PYGL: variants seen among roughly 807,000 people sequenced by gnomAD.
PYGL encodes the protein glycogen phosphorylase L.
Under a neutral mutation model 100.1 loss-of-function variants are expected in PYGL, and 90 were observed. The ratio of observed to expected loss-of-function variants is 0.90; its 90% CI spans 0.76 to 1.07. PYGL has a LOEUF of 1.07. PYGL is among the 50% of genes least tolerant of loss of function. PYGL has a pLI of 0.00. For missense variants in PYGL, 1,016 were observed against 1,057.6 expected, an observed-to-expected ratio of 0.96 and a Z score of 0.55; for synonymous variants, 373 against 393.0, an observed-to-expected ratio of 0.95 and a Z score of 0.60.
intron 5 of PYGL, among the ~76,000 whole-genome samples, chr14:50,922,185 T>G (rs902943635): frequency 6.6e-6 from 1 of 152,222 alleles, no homozygotes; most frequent in Non-Finnish European, 1.5e-5. Context: ...CTGGATCTCA[T>G]TTAGTGCAAC....
Position 50,914,496 on chromosome 14 carries a change from C to CAATAATAATAATAAT in PYGL, c.1518+190_1518+204dup, listed in dbSNP as rs58316457. On this transcript the variant is annotated intron_variant, in intron 12 of 19. Transcript: ENST00000216392. ...TGGGTGATAGAGTGAAACTCTGTCT[C>CAATAATAATAATAAT]AATAATAATAATAATAATAATAATA... Among the ~76,000 whole-genome samples, 400 of 148,532 alleles carry CAATAATAATAATAAT rather than the reference C, an allele frequency of 2.7e-3. 4 individuals carry two copies. The highest frequency in any genetic ancestry group is 7.5e-3 in the African/African-American group (300 of 40,066).
Position 50,908,282 on chromosome 14 carries a change from G to T in PYGL, c.2368C>A (p.Gln790Lys). ...GGCAATTTACTCACCATGTACAGCT[G>T]ACTCACTTTATCTTGACACTTGACA... ...AYVKCQDKVSQLYMNPKAWNT... is the reference protein window; with the variant it reads ...AYVKCQDKVSKLYMNPKAWNT... Residue 790 changes from glutamine (Q) to lysine (K), a missense_variant, in exon 19 of 20, where the codon CAG becomes AAG. By Grantham distance (53) the Gln-to-Lys change is moderately conservative. Coordinates refer to ENST00000216392, the MANE Select transcript of PYGL (RefSeq NM_002863.5). The T allele has an allele frequency of 6.3e-7, 1 of 1,593,710 alleles. No homozygotes were observed. Among genetic ancestry groups the T allele is most frequent in the Non-Finnish European group, 8.6e-7 (1 of 1,161,574 alleles).
chr14:50,908,820 C>A lies in PYGL; in HGVS notation c.2312+1G>T. On this transcript the variant is annotated splice_donor_variant, in intron 18 of 19. Coordinates refer to ENST00000216392, the MANE Select transcript of PYGL (RefSeq NM_002863.5). LOFTEE classifies it high-confidence loss of function. ...AGCACCATCTTCTTATGGGAACTCA[C>A]CTGTCATGATAAAATAGCATGTTGA... 6.4e-7 allele frequency: 1 copy of A among 1,563,508 alleles called. No homozygotes were observed. Among genetic ancestry groups the A allele is most frequent in the Non-Finnish European group, 8.8e-7 (1 of 1,134,034 alleles).
In PYGL at chr14:50,924,065, G is replaced by A; in HGVS notation, c.564C>T (p.Asn188=). The A allele has an allele frequency of 6.2e-7, 1 of 1,613,782 alleles. No homozygotes were observed. Among genetic ancestry groups the A allele is most frequent in the Middle Eastern group, 1.7e-4 (1 of 6,060 alleles). Residue 188 remains asparagine, a synonymous_variant, in exon 5 of 20, where the codon AAC becomes AAT. Coordinates refer to ENST00000216392, the MANE Select transcript of PYGL (RefSeq NM_002863.5). ...ATTCTGGGCGGGACTTCTCCCAAGG[G>A]TTTCCATATCTGAGCCAATCATCTG... ...EEADDWLRYG[N]PWEKSRPEFM...
intron 5 of PYGL, chr14:50,923,746 G>A: frequency 1.2e-5 from 3 of 251,222 alleles, no homozygotes; most frequent in South Asian, 6.9e-5. Context: ...GTTGCAAAAT[G>A]ACCCTTATAA....
chr14:50,907,352 A>AGAATAGG (rs1234856795), intron 19 of PYGL, among the ~76,000 whole-genome samples: 2 of 152,128 alleles, frequency 1.3e-5, no homozygotes, highest in Non-Finnish European at 1.5e-5. Context: ...CAATTTTCAG[A>AGAATAGG]GAATAGGGGT....
intron 1 of PYGL, 48 bp downstream of exon 1, chr14:50,944,113 A>T: frequency 6.4e-7 from 1 of 1,558,210 alleles, no homozygotes; most frequent in Non-Finnish European, 8.6e-7. Context: ...GCGGCCGGAG[A>T]CTCCGACTCC....
At chr14:50,905,668 A>G in intron 19 of PYGL, 112 bp from the exon 20 acceptor site, 2 of 997,940 alleles carry the variant, frequency 2.0e-6, no homozygotes, top group Non-Finnish European at 3.1e-6. Flanking sequence ...TGACAGGAAT[A>G]AATTATAGTA....
Position 50,912,977 on chromosome 14 carries a change from A to C in PYGL, c.1620+52T>G. The stretch of plus-strand genomic sequence containing the variant: ...TCAAAAAATAAACAAAAACTACAGG[A>C]TAAACTCTCACAGTGAGTGCCCAGG... On this transcript the variant is annotated intron_variant, in intron 13 of 19. Coordinates refer to ENST00000216392, the MANE Select transcript of PYGL (RefSeq NM_002863.5). The C allele has an allele frequency of 2.0e-6, 3 of 1,533,090 alleles. No homozygotes were observed. The South Asian group carries it at 3.4e-5, about 17-fold the overall frequency. 95.0% of individuals were successfully genotyped at this position (1,533,090 alleles called of 1,614,324 possible).
Position 50,917,038 on chromosome 14 carries a change from A to T in PYGL, c.923T>A (p.Ile308Asn). 1.2e-6 allele frequency: 2 copies of T among 1,613,994 alleles called. No individual in the cohort carries two copies. Among genetic ancestry groups the T allele is most frequent in the Non-Finnish European group, 1.7e-6 (2 of 1,179,854 alleles). Residue 308 changes from isoleucine (I) to asparagine (N), a missense_variant, in exon 8 of 20, where the codon ATC becomes AAC. Transcript: ENST00000216392. Reference sequence around the variant, plus strand: ...CTTGGAGGCTTTGAAACGGCGGATGATATCTTGCAAGGTTGCAGCCACCAC... The same window carrying T: ...CTTGGAGGCTTTGAAACGGCGGATGTTATCTTGCAAGGTTGCAGCCACCAC... ...YFVVAATLQD[I>N]IRRFKASKFG...
intron 4 of PYGL, among the ~76,000 whole-genome samples, chr14:50,925,880 C>T (rs898473844): frequency 2.0e-5 from 3 of 152,082 alleles, no homozygotes; most frequent in South Asian, 2.1e-4. Context: ...GATCTGAGCT[C>T]GTCAGAAAGT....
chr14:50,940,003 A>G lies in PYGL; in HGVS notation c.244-2166T>C, dbSNP rs181881614. Among the ~76,000 whole-genome samples, 1,113 of 152,342 alleles carry G rather than the reference A, an allele frequency of 7.3e-3. 8 individuals carry two copies. The highest frequency in any genetic ancestry group is 0.011 in the Non-Finnish European group (731 of 68,026). On this transcript the variant is annotated intron_variant, in intron 1 of 19. Transcript: ENST00000216392. Reference sequence around the variant, plus strand: ...AACGGGCCACCTAACACTGCTTTCCAGAACACATCATCTTCGTTTTCATCC... The same window carrying G: ...AACGGGCCACCTAACACTGCTTTCCGGAACACATCATCTTCGTTTTCATCC...
chr14:50,906,200 G>A (rs1478985908), intron 19 of PYGL, among the ~76,000 whole-genome samples: 1 of 152,062 alleles, frequency 6.6e-6, no homozygotes, highest in African/African-American at 2.4e-5. Context: ...TGATAAGAAG[G>A]AATTTATTTT....
chr14:50,931,458 A>G (rs1278257180), intron 4 of PYGL, among the ~76,000 whole-genome samples: 1 of 152,188 alleles, frequency 6.6e-6, no homozygotes, highest in African/African-American at 2.4e-5. Flanking sequence ...CCTCAGTGCA[A>G]TGGATCTGGT....
intron 4 of PYGL, among the ~76,000 whole-genome samples, chr14:50,925,788 T>A (rs963921939): frequency 2.6e-5 from 4 of 152,198 alleles, no homozygotes; most frequent in Non-Finnish European, 4.4e-5. Flanking sequence ...CATCTTTAGT[T>A]GGAAGAGCTA....
intron 4 of PYGL, among the ~76,000 whole-genome samples, chr14:50,925,412 T>C (rs2050538732): frequency 6.6e-6 from 1 of 152,206 alleles, no homozygotes; most frequent in Admixed American, 6.5e-5. Flanking sequence ...ACAAAGCAGC[T>C]TTGTCAATGA....
intron 6 of PYGL, 145 bp downstream of exon 6, chr14:50,920,811 C>T: frequency 1.0e-6 from 1 of 993,990 alleles, no homozygotes. Flanking sequence ...CTCCCTACTT[C>T]CTCCATACAA....
At chr14:50,940,210 T>G (rs1469387680) in intron 1 of PYGL, among the ~76,000 whole-genome samples, 2 of 152,208 alleles carry the variant, frequency 1.3e-5, no homozygotes, top group African/African-American at 2.4e-5. Flanking sequence ...TTGCATAGTA[T>G]TACCCAGTTT....
rs186749539 is a variant in PYGL at position 50,909,572 on chromosome 14, C to G, written c.2177+323G>C. Among the ~76,000 whole-genome samples, 68 of 146,788 alleles carry G rather than the reference C, an allele frequency of 4.6e-4. 1 individual carries two copies. The highest frequency in any genetic ancestry group is 2.3e-3 in the Admixed American group (32 of 14,172). ...GATCATGATTTAAATTATAGGCAAC[C>G]CTTCCAACTAGAAACTGGTTCATCT... On this transcript the variant is annotated intron_variant, in intron 17 of 19. Transcript: ENST00000216392.
Sources: allele counts gnomAD v4.1 joint callset (sites outside exome capture counted in the v4.1 genomes callset), GRCh38; gene constraint gnomAD v4.1.1; transcripts MANE v1.5; gene names NCBI Gene and HGNC (gene_info 2026-07-23, HGNC 2026-07-21).